The following PCDHA8 variants were observed in gnomAD, a reference collection of about 807,000 sequenced individuals.
PCDHA8 encodes the protein protocadherin alpha 8.
Under a neutral mutation model 61.8 loss-of-function variants are expected in PCDHA8, and 53 were observed. The observed-to-expected ratio is 0.86, with a 90% CI of 0.69 to 1.08. The LOEUF is 1.08. PCDHA8 is among the 50% of genes least tolerant of loss of function. PCDHA8 has a pLI of 0.00. For missense variants in PCDHA8, 1,293 were observed against 1,245.0 expected, an observed-to-expected ratio of 1.04 and a Z score of -0.58; for synonymous variants, 618 against 556.6, an observed-to-expected ratio of 1.11 and a Z score of -1.55.
chr5:140,988,957 C>G (rs2097322513), intron 3 of PCDHA8: 1 of 152,120 alleles, frequency 6.6e-6, no homozygotes. Context: ...TTCCTTCAAG[C>G]CCCACGATGG....
chr5:140,946,611 A>AATATATATATATATATATAT lies in PCDHA8; in HGVS notation c.2395-32336_2395-32317dup, dbSNP rs1554217734. On this transcript the variant is annotated intron_variant, in intron 1 of 3. Transcript: ENST00000531613. ...GGATGAATAGATAAAGAAAATGTGA[A>AATATATATATATATATATAT]ATATATATATATATATATATACAAT... Among the ~76,000 whole-genome samples the AATATATATATATATATATAT allele has an allele frequency of 2.4e-3, 212 of 86,734 alleles. 8 individuals carry two copies. Among genetic ancestry groups the AATATATATATATATATATAT allele is most frequent in the Middle Eastern group, 0.011 (2 of 186 alleles). The allele number at this position is 86,734 out of a possible 152,430, so 56.9% of individuals were successfully genotyped here.
At chr5:140,981,041 A>C (rs72802989) in intron 2 of PCDHA8, among the ~76,000 whole-genome samples, 7,382 of 152,278 alleles carry the variant, frequency 0.048, 205 homozygotes, top group Non-Finnish European at 0.065. Context: ...GGGAAAAAAA[A>C]CAGATAATTC....
At chr5:140,927,748 G>T (rs782605586) in intron 1 of PCDHA8, 3 of 1,614,206 alleles carry the variant, frequency 1.9e-6, no homozygotes, top group Admixed American at 1.7e-5. Flanking sequence ...CCGCTTTCAC[G>T]TGCACCCTAA....
In PCDHA8 at chr5:140,877,377, C is replaced by A. The variant is rs575601254; in HGVS notation, c.2394+33662C>A. 8.1e-6 allele frequency: 13 copies of A among 1,614,008 alleles called. No homozygotes were observed. The South Asian group carries it at 1.1e-4, about 14-fold the overall frequency. ...ACACTGGCGAGATCAGCACGACACG[C>A]ATCCTGGATGAGGCGGACGCTCCGC... On this transcript the variant is annotated intron_variant, in intron 1 of 3. Transcript: ENST00000531613.
chr5:140,952,566 G>A (rs1198943972), intron 1 of PCDHA8, among the ~76,000 whole-genome samples: 1 of 151,938 alleles, frequency 6.6e-6, no homozygotes, highest in African/African-American at 2.4e-5. Flanking sequence ...TCAGCACTTC[G>A]GTCCCAATCA....
chr5:140,926,985 G>A, intron 1 of PCDHA8: 1 of 1,611,068 alleles, frequency 6.2e-7, no homozygotes, highest in Non-Finnish European at 8.5e-7. Flanking sequence ...AGGAGACGGA[G>A]CGGGGCGTAG....
At chr5:140,862,288 G>A in intron 1 of PCDHA8, 1 of 264,980 alleles carries the variant, frequency 3.8e-6, no homozygotes, top group East Asian at 9.0e-5. Context: ...CTGTACAGGA[G>A]GACGCTCCAC....
At position 140,854,099 on chromosome 5, in the gene PCDHA8, C is replaced by T. The variant is rs139574544; in HGVS notation, c.2394+10384C>T. 48 of 268,552 alleles carry T rather than the reference C, an allele frequency of 1.8e-4. 2 individuals are homozygous for T. Among genetic ancestry groups the T allele is most frequent in the African/African-American group, 8.8e-4 (36 of 40,902 alleles). 16.6% of individuals were successfully genotyped at this position (268,552 alleles called of 1,614,324 possible). The stretch of plus-strand genomic sequence containing the variant: ...ATCGCTTGAGCCTGGGACATTGAGG[C>T]TGCAGTGAACTGTGATGGCACAACT... On this transcript the variant is annotated intron_variant, in intron 1 of 3. Transcript: ENST00000531613.
In PCDHA8 at chr5:140,941,191, T is replaced by C. The variant is rs184104978; in HGVS notation, c.2395-37758T>C. Among the ~76,000 whole-genome samples the C allele has an allele frequency of 2.1e-3, 199 of 93,252 alleles. 3 individuals are homozygous for C. Among genetic ancestry groups the C allele is most frequent in the South Asian group, 0.011 (39 of 3,542 alleles). The allele number at this position is 93,252 out of a possible 152,430, so 61.2% of individuals were successfully genotyped here. A position where few individuals can be genotyped will look rare whatever the true frequency, so the allele number is the denominator to read the frequency against. On this transcript the variant is annotated intron_variant, in intron 1 of 3. Transcript: ENST00000531613. ...CATCTTGAACATCCTGCTTCTTTTT[T>C]TTTCTTTCTTCCTTTCTTTCTTCCT...
At chr5:140,983,463 C>T (rs1554245464) in intron 3 of PCDHA8, among the ~76,000 whole-genome samples, 1 of 152,208 alleles carries the variant, frequency 6.6e-6, no homozygotes, top group Non-Finnish European at 1.5e-5. Flanking sequence ...AATAGAACAT[C>T]ATGATGATAA....
chr5:141,010,455 T>G lies in PCDHA8; in HGVS notation c.*518T>G. The stretch of plus-strand genomic sequence containing the variant: ...AACAAAGACAAATAAACAGCGGAAG[T>G]TATCAGTATGGAGGGGAAGTGTAAA... On this transcript the variant is annotated 3_prime_UTR_variant, in exon 4 of 4. Transcript: ENST00000531613. 1 of 883,470 alleles carries G rather than the reference T, an allele frequency of 1.1e-6. No homozygotes were observed. Among genetic ancestry groups the G allele is most frequent in the South Asian group, 1.9e-5 (1 of 53,228 alleles). 54.7% of individuals were successfully genotyped at this position (883,470 alleles called of 1,614,324 possible). A position where few individuals can be genotyped will look rare whatever the true frequency, so the allele number is the denominator to read the frequency against.
chr5:140,969,177 A>C, intron 1 of PCDHA8: 2 of 1,614,086 alleles, frequency 1.2e-6, no homozygotes, highest in Non-Finnish European at 1.7e-6. Flanking sequence ...TCAGGGAGTG[A>C]CACTTTCATG....
chr5:140,896,782 T>C (rs2065751809), intron 1 of PCDHA8, among the ~76,000 whole-genome samples: 1 of 152,206 alleles, frequency 6.6e-6, no homozygotes, highest in African/African-American at 2.4e-5. Context: ...AGTTTGCTGA[T>C]ATTTTCTCCC....
chr5:140,914,944 CTTTTT>C (rs35695909), intron 1 of PCDHA8, among the ~76,000 whole-genome samples: 1 of 128,266 alleles, frequency 7.8e-6, no homozygotes, highest in Non-Finnish European at 1.7e-5. Context: ...GAAAAGTTGT[CTTTTT>C]TTTTTTTTTT....
chr5:140,916,437 C>T lies in PCDHA8; in HGVS notation c.2395-62512C>T, dbSNP rs77605255. Among the ~76,000 whole-genome samples the T allele has an allele frequency of 8.0e-3, 1,220 of 152,340 alleles. 6 individuals are homozygous for T. The highest frequency in any genetic ancestry group is 0.019 in the African/African-American group (786 of 41,586). Reference sequence around the variant, plus strand: ...AGCACATCTCAGAACCTAAGGCCCACAGTATACTACCTGGATATCACTGCT... The same window carrying T: ...AGCACATCTCAGAACCTAAGGCCCATAGTATACTACCTGGATATCACTGCT... On this transcript the variant is annotated intron_variant, in intron 1 of 3. Coordinates refer to ENST00000531613, the MANE Select transcript of PCDHA8 (RefSeq NM_018911.3).
intron 1 of PCDHA8, among the ~76,000 whole-genome samples, chr5:140,939,849 G>A (rs1554212970): frequency 6.6e-6 from 1 of 152,134 alleles, no homozygotes; most frequent in Non-Finnish European, 1.5e-5. Context: ...GTTGTGTTCT[G>A]TATATGTCCA....
intron 1 of PCDHA8, among the ~76,000 whole-genome samples, chr5:140,886,192 G>A (rs2060891690): frequency 6.6e-6 from 1 of 152,118 alleles, no homozygotes; most frequent in Non-Finnish European, 1.5e-5. Context: ...CTGGCAAGCA[G>A]TAATCTGTTC....
intron 1 of PCDHA8, chr5:140,870,819 G>T: frequency 3.1e-6 from 5 of 1,613,714 alleles, no homozygotes; most frequent in Non-Finnish European, 4.2e-6. Context: ...CTGGCAGCGC[G>T]GGAGGCGCAG....
chr5:140,982,701 T>C, intron 3 of PCDHA8, 138 bp downstream of exon 3: 1 of 1,383,086 alleles, frequency 7.2e-7, no homozygotes, highest in South Asian at 1.6e-5. Flanking sequence ...CATACATGAT[T>C]TCCTTACATA....
Sources: allele counts gnomAD v4.1 joint callset (sites outside exome capture counted in the v4.1 genomes callset), GRCh38; gene constraint gnomAD v4.1.1; transcripts MANE v1.5; gene names NCBI Gene and HGNC (gene_info 2026-07-23, HGNC 2026-07-21).